Variants in CHST8 observed in about 807,000 individuals in gnomAD.
The protein encoded by CHST8 is carbohydrate sulfotransferase 8, also known as GALNAC-4-ST1.
Under a neutral mutation model 15.0 loss-of-function variants are expected in CHST8, and 10 were observed. The ratio of observed to expected loss-of-function variants is 0.67; its 90% CI spans 0.41 to 1.13. CHST8 has a LOEUF of 1.13. CHST8 is among the 50% of genes most tolerant of loss of function. CHST8 has a pLI of 0.00. For missense variants in CHST8, 634 were observed against 608.2 expected (o/e 1.04, Z -0.45); for synonymous variants, 259 against 256.6 (o/e 1.01, Z -0.09).
chr19:33,640,695 G>T (rs1028590924), intron 1 of CHST8, among the ~76,000 whole-genome samples: 5 of 152,198 alleles, frequency 3.3e-5, no homozygotes, highest in African/African-American at 1.2e-4. Context: ...GCCAATAAAT[G>T]CCGGGGATGT....
intron 3 of CHST8, among the ~76,000 whole-genome samples, chr19:33,757,522 GAGAAAGAA>G (rs1218360558): frequency 0.014 from 291 of 21,096 alleles, 33 homozygotes; most frequent in East Asian, 0.022. Flanking sequence ...AAGAAAGAAA[GAGAAAGAA>G]AGAAAGAAAG....
At chr19:33,669,000 C>T (rs1052200775) in intron 2 of CHST8, among the ~76,000 whole-genome samples, 4 of 152,158 alleles carry the variant, frequency 2.6e-5, no homozygotes, top group African/African-American at 9.7e-5. Context: ...ATTTGTGTTG[C>T]ATCCTTAGTT....
intron 3 of CHST8, among the ~76,000 whole-genome samples, chr19:33,746,822 G>C (rs1349591425): frequency 6.6e-6 from 1 of 151,282 alleles, no homozygotes; most frequent in African/African-American, 2.4e-5. Flanking sequence ...GGTACATTTT[G>C]TTCTTTTTTT....
intron 3 of CHST8, among the ~76,000 whole-genome samples, chr19:33,710,604 T>C (rs568942691): frequency 2.0e-5 from 3 of 152,360 alleles, no homozygotes; most frequent in Non-Finnish European, 4.4e-5. Flanking sequence ...TTCTGTCTGA[T>C]CTGCTGATCT....
chr19:33,691,441 C>T (rs1221691798), intron 3 of CHST8, among the ~76,000 whole-genome samples: 5 of 152,194 alleles, frequency 3.3e-5, no homozygotes, highest in East Asian at 1.9e-4. Context: ...GTAATGCTTA[C>T]GTTACTTTCC....
chr19:33,701,968 T>C (rs1458421488), intron 3 of CHST8, among the ~76,000 whole-genome samples: 2 of 152,292 alleles, frequency 1.3e-5, no homozygotes, highest in East Asian at 3.9e-4. Context: ...GTTAATGTCA[T>C]GGTCTATATG....
intron 2 of CHST8, among the ~76,000 whole-genome samples, chr19:33,687,161 G>T (rs1411959364): frequency 6.6e-6 from 1 of 152,252 alleles, no homozygotes; most frequent in Non-Finnish European, 1.5e-5. Context: ...CTGGGACTCT[G>T]CAGTGCAGTG....
chr19:33,640,314 C>T (rs1436647349), intron 1 of CHST8, among the ~76,000 whole-genome samples: 1 of 152,198 alleles, frequency 6.6e-6, no homozygotes, highest in African/African-American at 2.4e-5. Flanking sequence ...CTGTCCAGAA[C>T]CTAGCGTGCA....
intron 3 of CHST8, among the ~76,000 whole-genome samples, chr19:33,713,606 C>T (rs1045101658): frequency 1.6e-4 from 25 of 152,026 alleles, no homozygotes; most frequent in Non-Finnish European, 2.5e-4. Context: ...TGCTCTGTTG[C>T]CCTGGCTGGA....
intron 1 of CHST8, among the ~76,000 whole-genome samples, chr19:33,633,402 CT>C (rs964085698): frequency 1.1e-4 from 16 of 151,832 alleles, no homozygotes; most frequent in Admixed American, 6.6e-4. Context: ...ACATTTTTTC[CT>C]TTTTTAGAGA....
chr19:33,724,489 G>GTC (rs1555720269), intron 3 of CHST8, among the ~76,000 whole-genome samples: 1 of 152,208 alleles, frequency 6.6e-6, no homozygotes, highest in Non-Finnish European at 1.5e-5. Flanking sequence ...GCTGGCAGCC[G>GTC]GGCTGCTCTT....
intron 3 of CHST8, among the ~76,000 whole-genome samples, chr19:33,770,884 G>A (rs1395959045): frequency 6.6e-6 from 1 of 152,214 alleles, no homozygotes; most frequent in African/African-American, 2.4e-5. Context: ...AGCAAGAGGA[G>A]AAGAAGCACG....
intron 1 of CHST8, among the ~76,000 whole-genome samples, chr19:33,656,641 TC>T (rs1332104342): frequency 6.6e-6 from 1 of 151,980 alleles, no homozygotes; most frequent in Non-Finnish European, 1.5e-5. Context: ...GCTCAGGCGA[TC>T]CTCCCACCTC....
chr19:33,768,126 T>C (rs993307459), intron 3 of CHST8, among the ~76,000 whole-genome samples: 4 of 152,200 alleles, frequency 2.6e-5, no homozygotes, highest in South Asian at 2.1e-4. Context: ...AGGTTTCTCC[T>C]GGTTTTCACT....
At chr19:33,756,526 A>T (rs530444490) in intron 3 of CHST8, among the ~76,000 whole-genome samples, 8 of 151,688 alleles carry the variant, frequency 5.3e-5, no homozygotes, top group African/African-American at 1.9e-4. Context: ...ATTCCCTGAG[A>T]CCTCCCTGTC....
chr19:33,748,344 G>A (rs1974352493), intron 3 of CHST8, among the ~76,000 whole-genome samples: 1 of 152,264 alleles, frequency 6.6e-6, no homozygotes, highest in South Asian at 2.1e-4. Context: ...CTGGTGAGAA[G>A]TGGAGACACA....
intron 3 of CHST8, among the ~76,000 whole-genome samples, chr19:33,754,665 C>A (rs446807): frequency 0.54 from 82,415 of 152,068 alleles, 22,609 homozygotes; most frequent in African/African-American, 0.57. Context: ...CCTGCATGCC[C>A]GCTCCAGCCT....
chr19:33,696,075 C>A (rs1384305665), intron 3 of CHST8, among the ~76,000 whole-genome samples: 1 of 152,108 alleles, frequency 6.6e-6, no homozygotes, highest in Admixed American at 6.5e-5. Flanking sequence ...ATCCCCCCAC[C>A]TCAGCCTCCC....
intron 1 of CHST8, among the ~76,000 whole-genome samples, chr19:33,631,502 C>T (rs2145436557): frequency 6.6e-6 from 1 of 152,292 alleles, no homozygotes; most frequent in East Asian, 1.9e-4. Flanking sequence ...GCGACAGCCA[C>T]TCACACGCCT....
Sources: allele counts gnomAD v4.1 joint callset (sites outside exome capture counted in the v4.1 genomes callset), GRCh38; gene constraint gnomAD v4.1.1; transcripts MANE v1.5; gene names NCBI Gene and HGNC (gene_info 2026-07-23, HGNC 2026-07-21).